SCARB1: variants seen among roughly 807,000 people sequenced by gnomAD.
The protein encoded by SCARB1 is scavenger receptor class B member 1, also known as CD36 and LIMPII analogous 1.
A neutral mutation model predicts 57.2 loss-of-function variants in SCARB1; 30 were observed. The ratio of observed to expected loss-of-function variants is 0.52; its 90% confidence interval spans 0.39 to 0.71. The LOEUF (loss-of-function observed/expected upper bound fraction) is 0.71. Among genes scored for constraint, SCARB1 ranks in the 30% least tolerant of loss-of-function variants. The pLI, the probability that SCARB1 is intolerant of heterozygous loss-of-function variation, is 0.00. For synonymous variants in SCARB1, 249 were observed against 268.3 expected, an observed-to-expected ratio of 0.93 and a Z score of 0.70; for missense variants, 543 against 671.2, an observed-to-expected ratio of 0.81 and a Z score of 2.11.
At position 124,833,738 on chromosome 12, in the gene SCARB1, G is replaced by A. The variant is rs148640388; in HGVS notation, c.127-16031C>T. Among the ~76,000 whole-genome samples, 172 of 152,306 alleles carry A rather than the reference G, an allele frequency of 1.1e-3. 2 individuals carry two copies. The highest frequency in any genetic ancestry group is 3.9e-3 in the African/African-American group (162 of 41,572). On this transcript the variant is annotated intron_variant, in intron 1 of 12. Transcript: ENST00000261693. ...ACAGCCCTATCTTGGCCAGAAGGCA[G>A]GCTTCGCTAGAAACAAGGTGGACCC...
Position 124,815,079 on chromosome 12 carries a change from T to C in SCARB1, c.320A>G (p.Asn107Ser), listed in dbSNP as rs948517892. 5 of 1,613,946 alleles carry C rather than the reference T, an allele frequency of 3.1e-6. No homozygotes were observed. The highest frequency in any genetic ancestry group is 2.7e-5 in the African/African-American group (2 of 74,946). ...FRHKSNITFN[N>S]NDTVSFLEYR... Reference sequence around the variant, plus strand: ...CTCGAGGAAGGACACGGTGTCGTTGTTGTTGAAGGTGATGTTGCTTTTGTG... The same window carrying C: ...CTCGAGGAAGGACACGGTGTCGTTGCTGTTGAAGGTGATGTTGCTTTTGTG... The change falls in exon 3 of 13, where the codon AAC becomes AGC. Residue 107 changes from asparagine to serine, a missense_variant. Transcript: ENST00000261693.
intron 7 of SCARB1, among the ~76,000 whole-genome samples, chr12:124,802,330 C>T (rs1451073838): frequency 6.6e-6 from 1 of 152,096 alleles, no homozygotes; most frequent in African/African-American, 2.4e-5. Flanking sequence ...CCTCTCAACA[C>T]CAAGAGACCT....
intron 9 of SCARB1, 65 bp from the exon 10 acceptor site, chr12:124,787,522 C>T: frequency 3.6e-6 from 5 of 1,406,930 alleles, no homozygotes; most frequent in Non-Finnish European, 5.0e-6. Context: ...TCTAATTCTG[C>T]TTGAATACAA....
At chr12:124,841,277 C>T (rs1455742561) in intron 1 of SCARB1, among the ~76,000 whole-genome samples, 2 of 151,338 alleles carry the variant, frequency 1.3e-5, no homozygotes, top group East Asian at 3.9e-4. Flanking sequence ...GAGGCTGAGG[C>T]AGGAGAATGG....
In SCARB1 at chr12:124,787,511, A is replaced by T; in HGVS notation, c.1203-54T>A. The T allele has an allele frequency of 2.0e-6, 3 of 1,510,600 alleles. No homozygotes were observed. In the South Asian group the frequency reaches 3.4e-5, roughly 17 times the overall value. 93.6% of individuals were successfully genotyped at this position (1,510,600 alleles called of 1,614,324 possible). A position where few individuals can be genotyped will look rare whatever the true frequency, so the allele number is the denominator to read the frequency against. On this transcript the variant is annotated intron_variant, in intron 9 of 12. Transcript: ENST00000261693. Reference sequence around the variant, plus strand: ...AAACAAAGTCTTACACCCAAACTTGATCTAATTCTGCTTGAATACAACATC... The same window carrying T: ...AAACAAAGTCTTACACCCAAACTTGTTCTAATTCTGCTTGAATACAACATC...
chr12:124,844,143 G>A lies in SCARB1; in HGVS notation c.126+19452C>T, dbSNP rs150761760. Among the ~76,000 whole-genome samples the A allele has an allele frequency of 1.4e-4, 21 of 152,286 alleles. No individual in the cohort carries two copies. In the East Asian group the frequency reaches 2.5e-3, roughly 18 times the overall value. ...CAGACATAACCAAGGTACCCCCGTC[G>A]CTAAGGGAATAAATACAACAGGATG... On this transcript the variant is annotated intron_variant, in intron 1 of 12. Transcript: ENST00000261693.
chr12:124,810,384 G>C lies in SCARB1; in HGVS notation c.727-95C>G. 1.2e-6 allele frequency: 1 copy of C among 834,366 alleles called. No individual in the cohort carries two copies. The highest frequency in any genetic ancestry group is 2.1e-6 in the Non-Finnish European group (1 of 485,330). 51.7% of individuals were successfully genotyped at this position (834,366 alleles called of 1,614,324 possible). A position where few individuals can be genotyped will look rare whatever the true frequency, so the allele number is the denominator to read the frequency against. ...GCACACCTAACTCACCCTGGTGCAC[G>C]CACGGCCACTCAATTCCCAATACTG... On this transcript the variant is annotated intron_variant, in intron 5 of 12. Transcript: ENST00000261693. The surrounding 1 kb of genome is among the most constrained non-coding windows in gnomAD (Gnocchi z 4.0).
intron 1 of SCARB1, among the ~76,000 whole-genome samples, chr12:124,845,386 A>C (rs912457619): frequency 4.6e-5 from 7 of 152,166 alleles, no homozygotes; most frequent in Non-Finnish European, 7.4e-5. Flanking sequence ...CACACATTGC[A>C]TGATTTCATT....
In SCARB1 at chr12:124,841,535, C is replaced by T. The variant is rs137959830; in HGVS notation, c.126+22060G>A. Among the ~76,000 whole-genome samples, 348 of 151,724 alleles carry T rather than the reference C, an allele frequency of 2.3e-3. 1 individual carries two copies. Among genetic ancestry groups the T allele is most frequent in the Non-Finnish European group, 3.6e-3 (242 of 67,880 alleles). ...GATCATGGCTCTTCCCTGCTCAGAA[C>T]CCTCCATGGAATTGAAAACCAAATC... On this transcript the variant is annotated intron_variant, in intron 1 of 12. Transcript: ENST00000261693.
Position 124,813,833 on chromosome 12 carries a change from G to A in SCARB1, c.630+369C>T, listed in dbSNP as rs544031800. On this transcript the variant is annotated intron_variant, in intron 4 of 12. Coordinates refer to ENST00000261693, the MANE Select transcript of SCARB1 (RefSeq NM_005505.5). ...CCTCCATGGACGAGATGTTGGCTCC[G>A]AAGCCCAGTCAGTGACCCTACCAGG... Among the ~76,000 whole-genome samples the A allele has an allele frequency of 7.2e-5, 11 of 152,178 alleles. No individual in the cohort carries two copies. In the South Asian group the frequency reaches 8.3e-4, roughly 12 times the overall value.
intron 1 of SCARB1, among the ~76,000 whole-genome samples, chr12:124,824,469 C>T (rs140827197): frequency 3.3e-5 from 5 of 152,188 alleles, no homozygotes; most frequent in African/African-American, 2.4e-5. Flanking sequence ...CGCAACCTTG[C>T]GAACGCACTA....
chr12:124,836,591 G>A (rs1483971280), intron 1 of SCARB1, among the ~76,000 whole-genome samples: 3 of 152,174 alleles, frequency 2.0e-5, no homozygotes, highest in Non-Finnish European at 2.9e-5. Context: ...CCAGGAGTTC[G>A]AGACCAGCCT....
chr12:124,811,990 T>C, intron 4 of SCARB1, 25 bp from the exon 5 acceptor site: 1 of 1,577,964 alleles, frequency 6.3e-7, no homozygotes, highest in Non-Finnish European at 8.7e-7. Flanking sequence ...GGGAACAGCA[T>C]CGTAAGGCTT....
chr12:124,863,743 C>A lies in SCARB1; in HGVS notation c.-23G>T. On this transcript the variant is annotated 5_prime_UTR_variant, in exon 1 of 13. Transcript: ENST00000261693. Reference sequence around the variant, plus strand: ...CATGTCTGCGCGCCTGGGGCCCACCCGCGGCTCGCAGGGCTCCGCGCCTGG... The same window carrying A: ...CATGTCTGCGCGCCTGGGGCCCACCAGCGGCTCGCAGGGCTCCGCGCCTGG... 6.9e-7 allele frequency: 1 copy of A among 1,439,456 alleles called. No individual in the cohort carries two copies. 89.2% of individuals were successfully genotyped at this position (1,439,456 alleles called of 1,614,324 possible).
chr12:124,813,058 C>T (rs1176769925), intron 4 of SCARB1, among the ~76,000 whole-genome samples: 1 of 152,164 alleles, frequency 6.6e-6, no homozygotes, highest in Non-Finnish European at 1.5e-5. Context: ...CTACCCAAAG[C>T]CCAATCTCTC....
intron 1 of SCARB1, among the ~76,000 whole-genome samples, chr12:124,843,849 T>C (rs1347421414): frequency 6.6e-6 from 1 of 152,056 alleles, no homozygotes. Flanking sequence ...AGACTCAAAT[T>C]CACACCTCAG....
At chr12:124,839,156 A>G (rs1318526557) in intron 1 of SCARB1, 7 of 441,338 alleles carry the variant, frequency 1.6e-5, no homozygotes, top group Non-Finnish European at 2.7e-5. Flanking sequence ...ACATCCATCT[A>G]AAGAACTCTT....
At chr12:124,859,538 A>G (rs10846759) in intron 1 of SCARB1, among the ~76,000 whole-genome samples, 2 of 14 alleles carry the variant, frequency 0.14, no homozygotes, top group Admixed American at 0.5. Context: ...CTCAAAAAAG[A>G]AAAAAAAAAA....
chr12:124,840,114 A>G lies in SCARB1; in HGVS notation c.127-22407T>C, dbSNP rs536347991. On this transcript the variant is annotated intron_variant, in intron 1 of 12. Transcript: ENST00000261693. ...ATCCTAATGGGTATGAGTGTGTCTC[A>G]CTGATTCTCATTTCCCTAACGATGA... 211 of 1,232,268 alleles carry G rather than the reference A, an allele frequency of 1.7e-4. 2 individuals are homozygous for G. In the African/African-American group the frequency reaches 3.0e-3, roughly 18 times the overall value. 76.3% of individuals were successfully genotyped at this position (1,232,268 alleles called of 1,614,324 possible). A position where few individuals can be genotyped will look rare whatever the true frequency, so the allele number is the denominator to read the frequency against.
Sources: gnomAD v4.1 joint callset for allele counts (sites outside exome capture counted in the v4.1 genomes callset) on GRCh38, gnomAD v4.1.1 for gene constraint, Gnocchi (gnomAD v3.1) non-coding constraint, MANE v1.5 for transcripts, NCBI Gene and HGNC (gene_info 2026-07-23, HGNC 2026-07-21) for gene names.